The following BRD8 variants were observed in gnomAD, a reference collection of about 807,000 sequenced individuals.
BRD8 encodes the protein bromodomain-containing protein 8.
BRD8 carries 67 observed loss-of-function variants against 143.1 expected under a neutral mutation model. That is an observed-to-expected ratio of 0.47 (90% CI 0.38 to 0.57). The LOEUF (loss-of-function observed/expected upper bound fraction) is 0.57. Among genes scored for constraint, BRD8 ranks in the 20% least tolerant of loss-of-function variants. The pLI is 0.00. For synonymous variants in BRD8, 505 were observed against 517.1 expected (o/e 0.98, Z 0.32); for missense variants, 1,103 against 1,503.0 (o/e 0.73, Z 4.40).
At position 138,165,116 on chromosome 5, in the gene BRD8, C is replaced by T; in HGVS notation, c.1329G>A (p.Leu443=). ...GATCATCATTTTCTTCACAAAATGACAGTGCTGCTTCCACTGCTGCCACAT... is the reference window on the plus strand; with the variant it reads ...GATCATCATTTTCTTCACAAAATGATAGTGCTGCTTCCACTGCTGCCACAT... The part of the protein sequence containing the change: ...VLDVAAVEAA[L]SFCEENDDPQ... The change falls in exon 12 of 27, where the codon CTG becomes CTA. Residue 443 remains leucine, a synonymous_variant. Transcript: ENST00000254900. 6.2e-7 allele frequency: 1 copy of T among 1,614,114 alleles called. No homozygotes were observed. Among genetic ancestry groups the T allele is most frequent in the South Asian group, 1.1e-5 (1 of 91,078 alleles).
Position 138,172,107 on chromosome 5 carries a change from G to C in BRD8, c.144C>G (p.Pro48=). The C allele has an allele frequency of 1.2e-6, 2 of 1,613,606 alleles. No homozygotes were observed. The highest frequency in any genetic ancestry group is 1.7e-6 in the Non-Finnish European group (2 of 1,179,898). The part of the protein sequence containing the change: ...NWVSVSRAIK[P]FAEPGRPPDW... ...CTGGAGGGCGGCCAGGTTCTGCAAAGGGCTTGATTGCTCTGCTAACTGATA... is the reference window on the plus strand; with the variant it reads ...CTGGAGGGCGGCCAGGTTCTGCAAACGGCTTGATTGCTCTGCTAACTGATA... Residue 48 remains proline (P), a synonymous_variant, in exon 3 of 27, where the codon CCC becomes CCG. Coordinates refer to ENST00000254900, the MANE Select transcript of BRD8 (RefSeq NM_139199.2).
At chr5:138,140,585 C>A in intron 26 of BRD8, 120 bp downstream of exon 26, 1 of 1,177,334 alleles carries the variant, frequency 8.5e-7, no homozygotes, top group South Asian at 1.3e-5. Context: ...ATCAATCCTT[C>A]AGGGCCTTAA....
chr5:138,152,356 A>T, intron 21 of BRD8, 126 bp downstream of exon 21: 1 of 1,312,100 alleles, frequency 7.6e-7, no homozygotes, highest in Non-Finnish European at 1.0e-6. Context: ...CAATGAACTT[A>T]ATCCCTGCCA....
intron 23 of BRD8, among the ~76,000 whole-genome samples, chr5:138,146,359 A>AT (rs1310501840): frequency 0.011 from 1,197 of 109,324 alleles, 9 homozygotes; most frequent in African/African-American, 0.031. Context: ...TGCCCAGCCA[A>AT]TTTTTTTTTT....
chr5:138,177,325 T>G, intron 2 of BRD8: 1 of 257,944 alleles, frequency 3.9e-6, no homozygotes, highest in Non-Finnish European at 7.7e-6. Flanking sequence ...AGGTCAGGAG[T>G]TCGAGACCAG....
rs753706348 is a variant in BRD8 at position 138,169,339 on chromosome 5, T to A, written c.525A>T (p.Thr175=). ...AAYQARQAVK[T]PPRRLPTVMV... The stretch of plus-strand genomic sequence containing the variant: ...TCACAGTGGGTAACCTCCGGGGGGG[T>A]GTTTTTACTGCTTGACGAGCTAGAA... The change falls in exon 8 of 27, where the codon ACA becomes ACT. Residue 175 remains threonine, a synonymous_variant. Transcript: ENST00000254900. The A allele has an allele frequency of 5.2e-5, 84 of 1,613,302 alleles. No individual in the cohort carries two copies. Among genetic ancestry groups the A allele is most frequent in the Non-Finnish European group, 6.6e-5 (78 of 1,179,788 alleles).
chr5:138,171,471 T>C (rs969055621), intron 3 of BRD8, 61 bp from the exon 4 acceptor site: 46 of 1,093,836 alleles, frequency 4.2e-5, no homozygotes, highest in Non-Finnish European at 5.9e-5. Flanking sequence ...AAATGACCTT[T>C]CAAAGTTTCA....
intron 8 of BRD8, among the ~76,000 whole-genome samples, chr5:138,168,897 AC>A (rs1401671716): frequency 6.6e-6 from 1 of 151,954 alleles, no homozygotes; most frequent in Non-Finnish European, 1.5e-5. Flanking sequence ...CAACCATCCC[AC>A]CCAACCTGCC....
At position 138,169,213 on chromosome 5, in the gene BRD8, T is replaced by C. The variant is rs1753679461; in HGVS notation, c.642+9A>G. On this transcript the variant is annotated intron_variant, in intron 8 of 26. Coordinates refer to ENST00000254900, the MANE Select transcript of BRD8 (RefSeq NM_139199.2). Reference sequence around the variant, plus strand: ...ACTGATCAATTCCCACAGATGGAAATATACTCACCCCAGAGGTAGCCTCTT... The same window carrying C: ...ACTGATCAATTCCCACAGATGGAAACATACTCACCCCAGAGGTAGCCTCTT... The C allele has an allele frequency of 6.2e-7, 1 of 1,612,724 alleles. No homozygotes were observed. The highest frequency in any genetic ancestry group is 2.2e-5 in the East Asian group (1 of 44,864).
chr5:138,170,263 T>C (rs1753757254), intron 7 of BRD8, 82 bp downstream of exon 7: 3 of 972,348 alleles, frequency 3.1e-6, no homozygotes, highest in South Asian at 2.6e-5. Context: ...CAATGTATTC[T>C]ATGTTACAAA....
rs1668336131 is a variant in BRD8, at chr5:138,143,340, G to A, written c.3437+1837C>T. Among the ~76,000 whole-genome samples, 7 of 152,078 alleles carry A rather than the reference G, an allele frequency of 4.6e-5. No homozygotes were observed. In the South Asian group the frequency reaches 1.5e-3, roughly 32 times the overall value. ...TAATAAATTTAAAAATTAGCTAAGT[G>A]CAGTGGCACATGCCTGTAGTCCCAG... On this transcript the variant is annotated intron_variant, in intron 25 of 26. Coordinates refer to ENST00000254900, the MANE Select transcript of BRD8 (RefSeq NM_139199.2).
intron 20 of BRD8, 35 bp from the exon 21 acceptor site, chr5:138,152,795 T>C: frequency 6.3e-7 from 1 of 1,587,886 alleles, no homozygotes; most frequent in Non-Finnish European, 8.6e-7. Flanking sequence ...ATTAAATTCA[T>C]TCAAATAAAT....
chr5:138,161,458 A>G (rs942213078), intron 17 of BRD8, among the ~76,000 whole-genome samples: 20 of 152,020 alleles, frequency 1.3e-4, no homozygotes, highest in African/African-American at 4.8e-4. Flanking sequence ...TGGGACTACA[A>G]ATGCGCGACA....
chr5:138,144,356 A>G (rs917613071), intron 25 of BRD8, among the ~76,000 whole-genome samples: 6 of 152,152 alleles, frequency 3.9e-5, no homozygotes, highest in Non-Finnish European at 8.8e-5. Flanking sequence ...CAAACTCTGG[A>G]CACACCATCT....
chr5:138,151,330 A>G (rs1272556773), intron 21 of BRD8, among the ~76,000 whole-genome samples: 2 of 152,216 alleles, frequency 1.3e-5, no homozygotes, highest in Admixed American at 6.5e-5. Context: ...TTTGTCTACC[A>G]CAGACACTTG....
intron 20 of BRD8, 70 bp from the exon 21 acceptor site, chr5:138,152,830 G>A (rs369563060): frequency 5.3e-6 from 8 of 1,499,086 alleles, no homozygotes; most frequent in Admixed American, 4.2e-5. Context: ...TCCATCTCCC[G>A]AGTTCAGTAG....
At position 138,160,192 on chromosome 5, in the gene BRD8, G is replaced by A. The variant is rs760660576; in HGVS notation, c.2428-19C>T. On this transcript the variant is annotated intron_variant, in intron 18 of 26. Transcript: ENST00000254900. ...AGAATTGCTGTAGGGAGAAGAAACAGGGTAGGCCATGGAGACCTGATTTAG... is the reference window on the plus strand; with the variant it reads ...AGAATTGCTGTAGGGAGAAGAAACAAGGTAGGCCATGGAGACCTGATTTAG... The A allele has an allele frequency of 6.3e-7, 1 of 1,592,714 alleles. No homozygotes were observed.
intron 7 of BRD8, 133 bp from the exon 8 acceptor site, chr5:138,169,491 G>T: frequency 3.7e-6 from 4 of 1,095,256 alleles, no homozygotes; most frequent in Non-Finnish European, 5.1e-6. Flanking sequence ...GTTTGGATTA[G>T]AAAGCTTTAA....
chr5:138,144,758 C>T (rs189129492), intron 25 of BRD8, among the ~76,000 whole-genome samples: 2 of 151,844 alleles, frequency 1.3e-5, no homozygotes, highest in Non-Finnish European at 2.9e-5. Context: ...AAATATTAGC[C>T]GGACGTGATG....
Sources: allele counts gnomAD v4.1 joint callset (sites outside exome capture counted in the v4.1 genomes callset), GRCh38; gene constraint gnomAD v4.1.1; transcripts MANE v1.5; gene names NCBI Gene and HGNC (gene_info 2026-07-23, HGNC 2026-07-21).